Variants in FER observed in about 807,000 individuals in gnomAD.
The protein encoded by FER is tyrosine-protein kinase Fer.
A neutral mutation model predicts 111.0 loss-of-function variants in FER; 63 were observed. The observed-to-expected ratio is 0.57, with a 90% CI of 0.46 to 0.70. The LOEUF is 0.70. FER is among the 30% of genes least tolerant of loss of function. The pLI is 0.00. For missense variants in FER, 914 were observed against 954.0 expected (o/e 0.96, Z 0.55); for synonymous variants, 327 against 313.9 (o/e 1.04, Z -0.44).
At position 109,066,493 on chromosome 5, in the gene FER, TTTAAG is replaced by T. The variant is rs1396021580; in HGVS notation, c.1924+19302_1924+19306del. ...ATCAAATTTATACTTCTAAATTCTT[TTTAAG>T]TTAAGTAGGATTTCTAAACTAATGA... On this transcript the variant is annotated intron_variant, in intron 16 of 19. Coordinates refer to ENST00000281092, the MANE Select transcript of FER (RefSeq NM_005246.4). 4.6e-5 allele frequency among the ~76,000 whole-genome samples: 7 copies of T among 152,322 alleles called. No homozygotes were observed. In the South Asian group the frequency reaches 1.0e-3, roughly 23 times the overall value.
chr5:109,137,822 T>A (rs150676629), intron 17 of FER, among the ~76,000 whole-genome samples: 6 of 152,320 alleles, frequency 3.9e-5, no homozygotes, highest in African/African-American at 1.4e-4. Context: ...TCAGTCCCAC[T>A]CCAATCTTCA....
chr5:108,781,844 A>G (rs1000105927), intron 2 of FER, among the ~76,000 whole-genome samples: 5 of 152,138 alleles, frequency 3.3e-5, no homozygotes, highest in African/African-American at 1.2e-4. Flanking sequence ...TGAAGGAAAG[A>G]CCTTATTAAG....
At position 109,067,485 on chromosome 5, in the gene FER, T is replaced by G. The variant is rs185804546; in HGVS notation, c.1924+20287T>G. 3.0e-3 allele frequency among the ~76,000 whole-genome samples: 463 copies of G among 152,224 alleles called. 3 individuals are homozygous for G. Among genetic ancestry groups the G allele is most frequent in the South Asian group, 6.4e-3 (31 of 4,824 alleles). ...AATGGAGACACATGCATATACATCT[T>G]TTTATTTTTTATCACAAATGATAGC... On this transcript the variant is annotated intron_variant, in intron 16 of 19. Coordinates refer to ENST00000281092, the MANE Select transcript of FER (RefSeq NM_005246.4).
At chr5:109,174,440 A>G (rs967505286) in intron 17 of FER, among the ~76,000 whole-genome samples, 3 of 152,056 alleles carry the variant, frequency 2.0e-5, no homozygotes, top group African/African-American at 7.2e-5. Context: ...TTGTTTTTTA[A>G]AAAAGGGCTC....
intron 2 of FER, chr5:108,785,101 C>T: frequency 2.2e-6 from 1 of 464,522 alleles, no homozygotes; most frequent in Non-Finnish European, 4.1e-6. Flanking sequence ...CTATCACTGT[C>T]TCCTGTAGCT....
intron 17 of FER, among the ~76,000 whole-genome samples, chr5:109,176,907 A>AT (rs2126831776): frequency 6.6e-6 from 1 of 152,358 alleles, no homozygotes; most frequent in Non-Finnish European, 1.5e-5. Flanking sequence ...ATTAGAATAA[A>AT]TGTCAGAACA....
intron 17 of FER, among the ~76,000 whole-genome samples, chr5:109,165,902 T>A (rs1756506641): frequency 6.6e-6 from 1 of 152,090 alleles, no homozygotes; most frequent in African/African-American, 2.4e-5. Flanking sequence ...TGTCTATCAA[T>A]AAACAATGTT....
Position 108,824,877 on chromosome 5 carries a change from G to A in FER, c.208-7893G>A, listed in dbSNP as rs561200667. ...CTGGCTTGAGAAATAAAAGGACAGA[G>A]TACAAAAGAGATAAATTTTAAAGTT... is the stretch of plus-strand genomic sequence containing the variant. On this transcript the variant is annotated intron_variant, in intron 3 of 19. Transcript: ENST00000281092. Among the ~76,000 whole-genome samples, 6 of 152,078 alleles carry A rather than the reference G, an allele frequency of 3.9e-5. No individual in the cohort carries two copies. In the South Asian group the frequency reaches 1.2e-3, roughly 32 times the overall value.
intron 10 of FER, among the ~76,000 whole-genome samples, chr5:108,944,256 T>TA (rs1261794042): frequency 6.6e-6 from 1 of 152,122 alleles, no homozygotes; most frequent in Non-Finnish European, 1.5e-5. Context: ...TAGTTGTACT[T>TA]ACAGCACTTT....
Position 109,189,927 on chromosome 5 carries a change from C to G in FER, c.*2352C>G, listed in dbSNP as rs144728969. 2.0e-5 allele frequency: 3 copies of G among 152,144 alleles called. No individual in the cohort carries two copies. The highest frequency in any genetic ancestry group is 2.1e-4 in the South Asian group (1 of 4,834). The allele number at this position is 152,144 out of a possible 1,614,324, so 9.4% of individuals were successfully genotyped here. A position where few individuals can be genotyped will look rare whatever the true frequency, so the allele number is the denominator to read the frequency against. On this transcript the variant is annotated 3_prime_UTR_variant, in exon 20 of 20. Coordinates refer to ENST00000281092, the MANE Select transcript of FER (RefSeq NM_005246.4). Reference sequence around the variant, plus strand: ...AAATTTAAAAAGCTTTTCAAAACATCGTGACATGTGTAGCATTTAAATTCC... The same window carrying G: ...AAATTTAAAAAGCTTTTCAAAACATGGTGACATGTGTAGCATTTAAATTCC...
intron 17 of FER, among the ~76,000 whole-genome samples, chr5:109,141,426 C>G (rs1187881758): frequency 6.6e-6 from 1 of 152,202 alleles, no homozygotes; most frequent in Non-Finnish European, 1.5e-5. Flanking sequence ...TGCAGACTAA[C>G]TGCAAATGGC....
chr5:109,119,648 C>T (rs1011136106), intron 17 of FER, among the ~76,000 whole-genome samples: 4 of 152,054 alleles, frequency 2.6e-5, no homozygotes, highest in African/African-American at 7.2e-5. Flanking sequence ...GAGTCTAAGT[C>T]TCTTTGTAGG....
intron 13 of FER, among the ~76,000 whole-genome samples, chr5:109,024,120 G>A (rs1165155388): frequency 6.6e-6 from 1 of 152,154 alleles, no homozygotes; most frequent in Non-Finnish European, 1.5e-5. Flanking sequence ...CATATTTCAA[G>A]CTCAAGCAGT....
intron 2 of FER, among the ~76,000 whole-genome samples, chr5:108,775,542 A>G (rs1753395418): frequency 1.3e-5 from 2 of 152,176 alleles, no homozygotes; most frequent in South Asian, 4.1e-4. Context: ...AAAATATAAT[A>G]GTTGATTTAA....
At chr5:108,752,703 CT>C (rs1358729615) in intron 1 of FER, among the ~76,000 whole-genome samples, 1 of 151,902 alleles carries the variant, frequency 6.6e-6, no homozygotes, top group Non-Finnish European at 1.5e-5. Flanking sequence ...TTTCTTGGTT[CT>C]TTTCAAGAAA....
intron 13 of FER, among the ~76,000 whole-genome samples, chr5:109,034,016 G>A (rs1009735223): frequency 1.3e-5 from 2 of 151,954 alleles, no homozygotes; most frequent in Non-Finnish European, 2.9e-5. Flanking sequence ...GCTTTTTGTA[G>A]CAATTTTGAA....
chr5:109,060,284 T>A (rs1774219963), intron 16 of FER, among the ~76,000 whole-genome samples: 1 of 152,150 alleles, frequency 6.6e-6, no homozygotes, highest in African/African-American at 2.4e-5. Flanking sequence ...TAAACTAAGC[T>A]TCAATATACT....
At chr5:108,880,472 A>G (rs1343964006) in intron 8 of FER, among the ~76,000 whole-genome samples, 1 of 152,182 alleles carries the variant, frequency 6.6e-6, no homozygotes, top group African/African-American at 2.4e-5. Context: ...TATAAGGCAC[A>G]GTTGGAACAG....
chr5:109,108,889 ACT>A (rs1749270150), intron 17 of FER, among the ~76,000 whole-genome samples: 1 of 152,008 alleles, frequency 6.6e-6, no homozygotes, highest in Non-Finnish European at 1.5e-5. Context: ...CTGGACATTG[ACT>A]CTCAATTTTA....
Sources: gnomAD v4.1 joint callset for allele counts (sites outside exome capture counted in the v4.1 genomes callset) on GRCh38, gnomAD v4.1.1 for gene constraint, MANE v1.5 for transcripts, NCBI Gene and HGNC (gene_info 2026-07-23, HGNC 2026-07-21) for gene names.